SEMA4A: variants seen among roughly 807,000 people sequenced by gnomAD.
SEMA4A encodes the protein semaphorin-4A.
SEMA4A carries 52 observed loss-of-function variants against 72.5 expected under a neutral mutation model. That is an observed-to-expected ratio of 0.72 (90% CI 0.57 to 0.90). The LOEUF (loss-of-function observed/expected upper bound fraction) is 0.90, where lower values mean the gene tolerates loss of function less well. Ranked by LOEUF, SEMA4A falls within the 40% of genes least tolerant of loss-of-function variation. The probability of loss-of-function intolerance (pLI) is 0.00; values close to 1 mark genes in which losing one functional copy is unlikely to be tolerated. For synonymous variants in SEMA4A, 369 were observed against 393.1 expected, an observed-to-expected ratio of 0.94 and a Z score of 0.73; for missense variants, 926 against 959.7, an observed-to-expected ratio of 0.96 and a Z score of 0.46.
At chr1:156,148,254 G>A (rs567416396), upstream of SEMA4A, among the ~76,000 whole-genome samples, 9 of 152,272 alleles carry the variant, frequency 5.9e-5, no homozygotes, top group Middle Eastern at 3.4e-3. Flanking sequence ...TACTAGTTCA[G>A]GGTCCTCTAC....
chr1:156,151,787 G>T (rs1652552727), upstream of SEMA4A, among the ~76,000 whole-genome samples: 1 of 127,706 alleles, frequency 7.8e-6, no homozygotes, highest in South Asian at 2.5e-4. Context: ...AGTGAGCCGA[G>T]ATCGCACCAC....
At chr1:156,176,285 G>T in intron 14 of SEMA4A, 120 bp from the exon 15 acceptor site, 2 of 783,312 alleles carry the variant, frequency 2.6e-6, no homozygotes, top group Non-Finnish European at 4.1e-6. Context: ...AATAGAGCCA[G>T]AACCTGCCTC....
At chr1:156,166,387 A>G (rs1654161455) in intron 10 of SEMA4A, among the ~76,000 whole-genome samples, 1 of 152,160 alleles carries the variant, frequency 6.6e-6, no homozygotes, top group South Asian at 2.1e-4. Context: ...GACACATGCT[A>G]CTATTCTGGG....
chr1:156,171,857 C>T (rs1339898215), intron 10 of SEMA4A, among the ~76,000 whole-genome samples: 1 of 151,992 alleles, frequency 6.6e-6, no homozygotes, highest in African/African-American at 2.4e-5. Flanking sequence ...AATCTCGGCT[C>T]ACTGCAACCT....
At chr1:156,156,342 C>A (rs1653024616) in intron 2 of SEMA4A, 72 bp from the exon 3 acceptor site, 3 of 1,472,092 alleles carry the variant, frequency 2.0e-6, no homozygotes, top group Admixed American at 1.7e-5. Flanking sequence ...CCCCTTCCCC[C>A]ACTTTTATCT....
chr1:156,162,222 C>G (rs1474610135), intron 9 of SEMA4A, among the ~76,000 whole-genome samples: 1 of 152,216 alleles, frequency 6.6e-6, no homozygotes, highest in African/African-American at 2.4e-5. Context: ...GATCGCACCA[C>G]TGCACGCCAG....
chr1:156,171,514 A>G (rs1481572358), intron 10 of SEMA4A, among the ~76,000 whole-genome samples: 1 of 152,216 alleles, frequency 6.6e-6, no homozygotes, highest in Non-Finnish European at 1.5e-5. Context: ...TTTATTGAGC[A>G]CCAACTGTGT....
In SEMA4A at chr1:156,157,940, C is replaced by G. The variant is rs1348384010; in HGVS notation, c.301-130C>G. On this transcript the variant is annotated intron_variant, in intron 3 of 14. Coordinates refer to ENST00000368285, the MANE Select transcript of SEMA4A (RefSeq NM_022367.4). The surrounding 1 kb of genome is among the most constrained non-coding windows in gnomAD (Gnocchi z 4.5). ...TGGTCACAAACTGATGTTATTACTG[C>G]CCATCAGCATGTCACTAACCACCAT... 1.4e-5 allele frequency: 12 copies of G among 829,942 alleles called. No individual in the cohort carries two copies. Among genetic ancestry groups the G allele is most frequent in the Non-Finnish European group, 2.3e-5 (11 of 488,066 alleles). The allele number at this position is 829,942 out of a possible 1,614,324, so 51.4% of individuals were successfully genotyped here.
chr1:156,158,266 C>A lies in SEMA4A; in HGVS notation c.364-122C>A. 5.6e-6 allele frequency: 7 copies of A among 1,256,236 alleles called. No individual in the cohort carries two copies. The South Asian group carries it at 7.2e-5, about 13-fold the overall frequency. The allele number at this position is 1,256,236 out of a possible 1,614,324, so 77.8% of individuals were successfully genotyped here. ...CGGTTATCTCCTGGATTATGTTCTACAGAGGCGTACAGGGACTGCCCCAGC... is the reference window on the plus strand; with the variant it reads ...CGGTTATCTCCTGGATTATGTTCTAAAGAGGCGTACAGGGACTGCCCCAGC... On this transcript the variant is annotated intron_variant, in intron 4 of 14. Transcript: ENST00000368285.
intron 3 of SEMA4A, among the ~76,000 whole-genome samples, chr1:156,156,807 G>A (rs148209412): frequency 6.7e-6 from 1 of 149,416 alleles, no homozygotes; most frequent in Non-Finnish European, 1.5e-5. Context: ...ACAGTGGCAC[G>A]ATCTTGGCTC....
Position 156,154,558 on chromosome 1 carries a change from G to T in SEMA4A, c.-21G>T. The T allele has an allele frequency of 6.2e-7, 1 of 1,606,416 alleles. No individual in the cohort carries two copies. The highest frequency in any genetic ancestry group is 1.7e-5 in the Admixed American group (1 of 59,460). On this transcript the variant is annotated 5_prime_UTR_variant, in exon 2 of 15. Transcript: ENST00000368285. ...GGTGCCTGTTTCCCCAGAGCTCCCTGGTGACAGTCTGTGGCTGAGCATGGC... is the reference window on the plus strand; with the variant it reads ...GGTGCCTGTTTCCCCAGAGCTCCCTTGTGACAGTCTGTGGCTGAGCATGGC...
rs866734467 is a variant in SEMA4A, at chr1:156,176,682, C to G, written c.1971C>G (p.Pro657=). ...LALDPELAGI[P]REHVKVPLTR... is the part of the protein sequence containing the mutation. The stretch of plus-strand genomic sequence containing the variant: ...TGGATCCTGAACTGGCAGGCATCCC[C>G]CGGGAGCATGTGAAGGTCCCGTTGA... Residue 657 remains proline (P), a synonymous_variant, in exon 15 of 15, where the codon CCC becomes CCG. Coordinates refer to ENST00000368285, the MANE Select transcript of SEMA4A (RefSeq NM_022367.4). The G allele has an allele frequency of 3.1e-6, 5 of 1,614,172 alleles. No individual in the cohort carries two copies. The highest frequency in any genetic ancestry group is 3.4e-6 in the Non-Finnish European group (4 of 1,179,994).
intron 9 of SEMA4A, among the ~76,000 whole-genome samples, chr1:156,162,321 C>T (rs1430392405): frequency 1.3e-5 from 2 of 152,170 alleles, no homozygotes; most frequent in South Asian, 4.1e-4. Flanking sequence ...CCAATTTGTC[C>T]AAGGTCCCCG....
intron 10 of SEMA4A, among the ~76,000 whole-genome samples, chr1:156,166,823 G>T (rs900475623): frequency 6.6e-6 from 1 of 152,082 alleles, no homozygotes; most frequent in Non-Finnish European, 1.5e-5. Flanking sequence ...CAGCTACTCC[G>T]GAGGCTGAGG....
chr1:156,158,418 G>A lies in SEMA4A; in HGVS notation c.394G>A (p.Val132Ile), dbSNP rs374333337. 2.5e-6 allele frequency: 4 copies of A among 1,613,766 alleles called. No homozygotes were observed. Among genetic ancestry groups the A allele is most frequent in the Admixed American group, 1.7e-5 (1 of 59,984 alleles). Residue 132 changes from valine (V) to isoleucine (I), a missense_variant, in exon 5 of 15, where the codon GTT becomes ATT. Val to Ile is a conservative substitution (Grantham distance 29). Transcript: ENST00000368285. ...GTGTTTCAACTTCATCCGTGTCCTG[G>A]TTTCTTACAATGTCACCCATCTCTA... ...TQCFNFIRVL[V>I]SYNVTHLYTC...
chr1:156,166,202 C>T (rs773368968), intron 10 of SEMA4A, among the ~76,000 whole-genome samples: 12 of 151,982 alleles, frequency 7.9e-5, no homozygotes, highest in East Asian at 3.9e-4. Context: ...CCACTGTGCT[C>T]GGTCTTTTTT....
At chr1:156,164,619 C>T (rs1653993076) in intron 10 of SEMA4A, among the ~76,000 whole-genome samples, 1 of 152,098 alleles carries the variant, frequency 6.6e-6, no homozygotes, top group African/African-American at 2.4e-5. Flanking sequence ...CCCCCAATCT[C>T]CTAACGTAGT....
chr1:156,172,038 C>A (rs1299401357), intron 10 of SEMA4A, among the ~76,000 whole-genome samples: 1 of 151,632 alleles, frequency 6.6e-6, no homozygotes, highest in Non-Finnish European at 1.5e-5. Context: ...CCAGCCTCGG[C>A]CTCCCAAAGT....
At position 156,158,515 on chromosome 1, in the gene SEMA4A, C is replaced by T. The variant is rs1653261820; in HGVS notation, c.462+29C>T. ...AGTTCTCTGGTGCCCAGCGCTCAGG[C>T]CCCCAAGCATCCCTTCTCACATCTA... On this transcript the variant is annotated intron_variant, in intron 5 of 14. Coordinates refer to ENST00000368285, the MANE Select transcript of SEMA4A (RefSeq NM_022367.4). 4 of 1,547,166 alleles carry T rather than the reference C, an allele frequency of 2.6e-6. No homozygotes were observed. In the Admixed American group the frequency reaches 5.0e-5, roughly 19 times the overall value.
Sources: gnomAD v4.1 joint callset for allele counts (sites outside exome capture counted in the v4.1 genomes callset) on GRCh38, gnomAD v4.1.1 for gene constraint, Gnocchi (gnomAD v3.1) non-coding constraint, MANE v1.5 for transcripts, NCBI Gene and HGNC (gene_info 2026-07-23, HGNC 2026-07-21) for gene names.